Variants in TENM3 observed in about 807,000 individuals in gnomAD.
The protein encoded by TENM3 is teneurin-3.
In TENM3, 63 loss-of-function variants were observed where a neutral mutation model predicts 255.1. The observed-to-expected ratio is 0.25, with a 90% CI of 0.20 to 0.30. The LOEUF (loss-of-function observed/expected upper bound fraction) is 0.30, where lower values mean the gene tolerates loss of function less well. TENM3 is among the 10% of genes least tolerant of loss of function. The pLI is 1.00. For missense variants in TENM3, 2,929 were observed against 3,461.1 expected (o/e 0.85, Z 3.86); for synonymous variants, 1,306 against 1,322.3 (o/e 0.99, Z 0.27).
At chr4:181,969,610 G>T in the TENM3 span, among the ~76,000 whole-genome samples, 2 of 152,158 alleles carry the variant, frequency 1.3e-5, no homozygotes, top group African/African-American at 4.8e-5. Context: ...GTAAACAAAT[G>T]CAAATGAGTT....
the TENM3 span, among the ~76,000 whole-genome samples, chr4:181,986,762 C>T: frequency 6.6e-6 from 1 of 151,944 alleles, no homozygotes; most frequent in Non-Finnish European, 1.5e-5. Context: ...TCCAGAACTA[C>T]AAAATCCTCA....
chr4:182,762,581 T>C (rs1356023407), intron 22 of TENM3, among the ~76,000 whole-genome samples: 1 of 152,102 alleles, frequency 6.6e-6, no homozygotes, highest in African/African-American at 2.4e-5. Context: ...CCTCTGACAA[T>C]AAAATAAAAG....
chr4:182,800,217 C>G lies in TENM3; in HGVS notation c.7966C>G (p.Arg2656Gly), dbSNP rs972396937. The G allele has an allele frequency of 6.3e-7, 1 of 1,591,306 alleles. No homozygotes were observed. Among genetic ancestry groups the G allele is most frequent in the Admixed American group, 1.7e-5 (1 of 59,376 alleles). ...GCGCCTCTGGACGGAGGGCGAGAAG[C>G]GGCAGCTGCTGAGCGCCGGCAAGGT... ...GARLWTEGEK[R>G]QLLSAGKVQG... The change falls in exon 28 of 28, where the codon CGG (arginine) becomes GGG (glycine). Residue 2656 changes from arginine (R) to glycine (G), a missense_variant. Physicochemically the swap from Arg to Gly is moderately radical, Grantham distance 125. Around this residue, in one of 6 missense-constraint regions of TENM3, gnomAD observed 476 missense variants for 480.1 expected, o/e 0.99. Coordinates refer to ENST00000511685, the MANE Select transcript of TENM3 (RefSeq NM_001080477.4).
chr4:182,462,272 T>C (rs7666257), intron 3 of TENM3, among the ~76,000 whole-genome samples: 32,059 of 151,816 alleles, frequency 0.21, 3,746 homozygotes, highest in Non-Finnish European at 0.26. Context: ...TGCCCAAGGC[T>C]GGTCTCAAAC....
chr4:182,730,792 T>C lies in TENM3; in HGVS notation c.2706-86T>C, dbSNP rs1430461072. The C allele has an allele frequency of 1.5e-5, 21 of 1,416,676 alleles. 1 individual carries two copies. The Admixed American group carries it at 3.1e-4, about 21-fold the overall frequency. 87.8% of individuals were successfully genotyped at this position (1,416,676 alleles called of 1,614,324 possible). ...GTTGGGAGAAAAAGTTGATTTTCTT[T>C]ATAAAGCATATTAACTTAAGGAGGT... On this transcript the variant is annotated intron_variant, in intron 15 of 27. Transcript: ENST00000511685.
At chr4:182,138,032 A>T in the TENM3 span, among the ~76,000 whole-genome samples, 1 of 152,202 alleles carries the variant, frequency 6.6e-6, no homozygotes, top group Non-Finnish European at 1.5e-5. Flanking sequence ...AGCCTAGCTG[A>T]GCTTGCTTAA....
At chr4:182,271,684 C>A (rs901907062) in intron 1 of TENM3, among the ~76,000 whole-genome samples, 2 of 152,208 alleles carry the variant, frequency 1.3e-5, no homozygotes, top group Non-Finnish European at 2.9e-5. Context: ...TTTTACGGGG[C>A]TTCCCATCTT....
the TENM3 span, among the ~76,000 whole-genome samples, chr4:181,449,747 G>A: frequency 1.1e-4 from 16 of 152,158 alleles, no homozygotes; most frequent in South Asian, 1.0e-3. Flanking sequence ...AGATCGTGCC[G>A]CTGCACTCCA....
intron 6 of TENM3, among the ~76,000 whole-genome samples, chr4:182,661,649 G>A (rs972221640): frequency 2.6e-5 from 4 of 152,164 alleles, no homozygotes; most frequent in African/African-American, 7.2e-5. Context: ...GCATGCGGTT[G>A]TTTATAAAAA....
chr4:182,602,008 C>T (rs561964355), intron 4 of TENM3, among the ~76,000 whole-genome samples: 3 of 152,358 alleles, frequency 2.0e-5, no homozygotes, highest in African/African-American at 7.2e-5. Context: ...GTAAACTGCT[C>T]ATACAAAAGT....
rs769784168 is a variant in TENM3, at chr4:182,167,810, A to G, written c.-76+23056A>G. On this transcript the variant is annotated intron_variant, in intron 1 of 2. Coordinates refer to the TENM3 transcript ENST00000512480. ...TGAGGTGGGAGAATCACTTGAGCCC[A>G]GGAGGTGGAGGTGCAGTGAGCTGAG... Among the ~76,000 whole-genome samples the G allele has an allele frequency of 3.2e-4, 48 of 152,262 alleles. 1 individual carries two copies. The highest frequency in any genetic ancestry group is 1.4e-3 in the Admixed American group (22 of 15,286).
intron 4 of TENM3, among the ~76,000 whole-genome samples, chr4:182,609,560 T>G (rs1451639120): frequency 6.6e-6 from 1 of 152,260 alleles, no homozygotes; most frequent in African/African-American, 2.4e-5. Flanking sequence ...TAACCTTCTT[T>G]GTGCTTTCGT....
intron 3 of TENM3, among the ~76,000 whole-genome samples, chr4:182,381,520 T>C (rs1345252533): frequency 1.3e-5 from 2 of 152,098 alleles, no homozygotes; most frequent in East Asian, 3.9e-4. Context: ...ATGGGTTCTA[T>C]AGCTGTTCTT....
chr4:182,565,644 T>C (rs1313306430), intron 3 of TENM3, among the ~76,000 whole-genome samples: 3 of 152,210 alleles, frequency 2.0e-5, no homozygotes, highest in African/African-American at 7.2e-5. Flanking sequence ...TATAAATTTT[T>C]ATAGTACCCT....
At chr4:181,929,797 C>T in the TENM3 span, among the ~76,000 whole-genome samples, 9 of 152,216 alleles carry the variant, frequency 5.9e-5, no homozygotes, top group East Asian at 3.9e-4. Flanking sequence ...CACTCCTCAG[C>T]GAATGCACAA....
chr4:182,104,089 G>A, the TENM3 span, among the ~76,000 whole-genome samples: 1 of 152,168 alleles, frequency 6.6e-6, no homozygotes, highest in Non-Finnish European at 1.5e-5. Context: ...CAGTGTGGTG[G>A]TGTAATATAC....
chr4:181,716,910 C>CAA, the TENM3 span, among the ~76,000 whole-genome samples: 1 of 152,174 alleles, frequency 6.6e-6, no homozygotes, highest in African/African-American at 2.4e-5. Flanking sequence ...ACCTCACCAA[C>CAA]AAAAACTGTT....
At chr4:181,553,918 T>C in the TENM3 span, among the ~76,000 whole-genome samples, 2 of 152,178 alleles carry the variant, frequency 1.3e-5, no homozygotes, top group East Asian at 3.9e-4. Context: ...ATCCCCCCGC[T>C]CTCTGAGTTG....
At chr4:182,756,803 C>A (rs1425553166) in intron 22 of TENM3, among the ~76,000 whole-genome samples, 1 of 152,124 alleles carries the variant, frequency 6.6e-6, no homozygotes, top group African/African-American at 2.4e-5. Context: ...AGGAACAAAC[C>A]TTTTCAATTG....
Sources: gnomAD v4.1 joint callset for allele counts (sites outside exome capture counted in the v4.1 genomes callset) on GRCh38, gnomAD v4.1.1 for gene constraint, gnomAD v4.1.1 regional missense constraint, MANE v1.5 for transcripts, NCBI Gene and HGNC (gene_info 2026-07-23, HGNC 2026-07-21) for gene names.